NUDCD3: variants seen among roughly 807,000 people sequenced by gnomAD.
The protein encoded by NUDCD3 is nudC domain-containing protein 3.
In NUDCD3, 13 loss-of-function variants were observed where a neutral mutation model predicts 39.7. The ratio of observed to expected loss-of-function variants is 0.33; its 90% CI spans 0.21 to 0.52. The LOEUF (loss-of-function observed/expected upper bound fraction) is 0.52, where lower values mean the gene tolerates loss of function less well. Ranked by LOEUF, NUDCD3 falls within the 20% of genes least tolerant of loss-of-function variation. The pLI, the probability that NUDCD3 is intolerant of heterozygous loss-of-function variation, is 0.96. For missense variants in NUDCD3, 453 were observed against 458.1 expected (o/e 0.99, Z 0.10); for synonymous variants, 175 against 172.4 (o/e 1.02, Z -0.12).
At chr7:44,455,993 TC>T (rs1799885594) in intron 2 of NUDCD3, among the ~76,000 whole-genome samples, 2 of 97,978 alleles carry the variant, frequency 2.0e-5, no homozygotes, top group Non-Finnish European at 1.9e-5. Context: ...GCCACTGCAC[TC>T]CAGCCTGGGC....
chr7:44,400,945 G>A (rs917027874), intron 4 of NUDCD3, among the ~76,000 whole-genome samples: 2 of 152,200 alleles, frequency 1.3e-5, no homozygotes, highest in African/African-American at 4.8e-5. Flanking sequence ...ACCCTTTAGA[G>A]CAAAGCCCTC....
At chr7:44,410,327 C>CA (rs1189673201) in intron 3 of NUDCD3, among the ~76,000 whole-genome samples, 2 of 152,116 alleles carry the variant, frequency 1.3e-5, no homozygotes, top group Non-Finnish European at 2.9e-5. Context: ...GTGGTACTGG[C>CA]ATAAGGACAG....
chr7:44,394,915 G>C (rs528064639), intron 4 of NUDCD3, among the ~76,000 whole-genome samples: 6 of 152,202 alleles, frequency 3.9e-5, no homozygotes, highest in Non-Finnish European at 8.8e-5. Context: ...TGGGCACAGT[G>C]GGAGATGGAC....
At chr7:44,421,487 CAA>C (rs35044732) in intron 3 of NUDCD3, among the ~76,000 whole-genome samples, 161 of 111,402 alleles carry the variant, frequency 1.4e-3, no homozygotes, top group African/African-American at 3.5e-3. Context: ...AAATGGAAAG[CAA>C]AAAAAAAAAA....
At chr7:44,388,253 G>A (rs1027420105) in intron 5 of NUDCD3, among the ~76,000 whole-genome samples, 3 of 152,208 alleles carry the variant, frequency 2.0e-5, no homozygotes, top group Non-Finnish European at 2.9e-5. Flanking sequence ...CTATGCCGAC[G>A]TGAACGGCAG....
intron 3 of NUDCD3, among the ~76,000 whole-genome samples, chr7:44,406,952 T>C (rs1202769743): frequency 6.6e-6 from 1 of 152,108 alleles, no homozygotes; most frequent in Non-Finnish European, 1.5e-5. Context: ...CAGGGGCACA[T>C]GTGGGAACTG....
chr7:44,490,353 G>A, intron 1 of NUDCD3, 56 bp downstream of exon 1: 12 of 1,435,130 alleles, frequency 8.4e-6, no homozygotes, highest in Non-Finnish European at 1.1e-5. Flanking sequence ...CGGGCGCCAG[G>A]AGTCAGGGCA....
chr7:44,426,522 C>A (rs184113526), intron 3 of NUDCD3, among the ~76,000 whole-genome samples: 13 of 152,076 alleles, frequency 8.5e-5, no homozygotes, highest in African/African-American at 3.1e-4. Context: ...GGAGGCCGGG[C>A]GCGGTGGCTC....
At chr7:44,402,293 G>A (rs79543295) in intron 4 of NUDCD3, among the ~76,000 whole-genome samples, 25 of 152,192 alleles carry the variant, frequency 1.6e-4, no homozygotes, top group Admixed American at 2.0e-4. Context: ...ATTGAATGGC[G>A]GCCATTATTA....
chr7:44,477,100 T>A (rs1171760589), intron 2 of NUDCD3, among the ~76,000 whole-genome samples: 1 of 152,218 alleles, frequency 6.6e-6, no homozygotes, highest in Non-Finnish European at 1.5e-5. Context: ...GAGAAAGTAC[T>A]GAACAGTTTT....
chr7:44,475,198 G>A (rs1357628282), intron 2 of NUDCD3, among the ~76,000 whole-genome samples: 2 of 145,596 alleles, frequency 1.4e-5, no homozygotes, highest in African/African-American at 2.5e-5. Context: ...TGCAACCCCC[G>A]CCTCCTAGGT....
intron 2 of NUDCD3, among the ~76,000 whole-genome samples, chr7:44,432,460 CAG>C (rs1163082678): frequency 6.6e-6 from 1 of 152,174 alleles, no homozygotes; most frequent in South Asian, 2.1e-4. Flanking sequence ...AGCTCTTCTC[CAG>C]AGAGAGAATG....
chr7:44,440,030 C>T (rs1799545383), intron 2 of NUDCD3, among the ~76,000 whole-genome samples: 1 of 152,166 alleles, frequency 6.6e-6, no homozygotes, highest in Non-Finnish European at 1.5e-5. Context: ...GAAACTCCTC[C>T]ATCCTCCTAG....
At position 44,385,906 on chromosome 7, in the gene NUDCD3, G is replaced by C. The variant is rs1333351123; in HGVS notation, c.*105C>G. On this transcript the variant is annotated 3_prime_UTR_variant, in exon 6 of 6. Transcript: ENST00000355451. ...CACCCTTGAAAGAAAGGATGGCTAG[G>C]GGTAAACAAGACGAGCAAGTCCCTG... The C allele has an allele frequency of 5.8e-6, 4 of 688,760 alleles. No individual in the cohort carries two copies. The Admixed American group carries it at 8.5e-5, about 15-fold the overall frequency. 42.7% of individuals were successfully genotyped at this position (688,760 alleles called of 1,614,324 possible).
chr7:44,389,461 G>A (rs1798469412), intron 5 of NUDCD3, among the ~76,000 whole-genome samples: 4 of 152,172 alleles, frequency 2.6e-5, no homozygotes, highest in South Asian at 2.1e-4. Context: ...GGCGGATCAC[G>A]AGGTCAGGAG....
intron 2 of NUDCD3, among the ~76,000 whole-genome samples, chr7:44,436,818 G>A (rs761498375): frequency 4.6e-5 from 7 of 151,942 alleles, no homozygotes; most frequent in Non-Finnish European, 1.0e-4. Context: ...TTATTTGTTG[G>A]TTTACAGTTT....
At chr7:44,401,059 T>C (rs1195656742) in intron 4 of NUDCD3, among the ~76,000 whole-genome samples, 3 of 152,130 alleles carry the variant, frequency 2.0e-5, no homozygotes, top group South Asian at 2.1e-4. Flanking sequence ...TGCTCAACCT[T>C]GTTTGAACGG....
At chr7:44,449,854 A>T (rs1799760665) in intron 2 of NUDCD3, among the ~76,000 whole-genome samples, 2 of 99,228 alleles carry the variant, frequency 2.0e-5, no homozygotes, top group African/African-American at 7.5e-5. Context: ...ATGATCCATA[A>T]AAAAAAAAAA....
At chr7:44,413,857 A>G (rs762283573) in intron 3 of NUDCD3, among the ~76,000 whole-genome samples, 2 of 152,216 alleles carry the variant, frequency 1.3e-5, no homozygotes, top group Non-Finnish European at 2.9e-5. Context: ...GTACAAGACC[A>G]GCTTCTTGAG....
Sources: gnomAD v4.1 joint callset for allele counts (sites outside exome capture counted in the v4.1 genomes callset) on GRCh38, gnomAD v4.1.1 for gene constraint, MANE v1.5 for transcripts, NCBI Gene and HGNC (gene_info 2026-07-23, HGNC 2026-07-21) for gene names.